ECT2L: variants seen among roughly 807,000 people sequenced by gnomAD.
ECT2L encodes epithelial cell transforming 2 like.
In ECT2L, 126 loss-of-function variants were observed where a neutral mutation model predicts 122.8. The observed-to-expected ratio is 1.03, with a 90% confidence interval of 0.89 to 1.19. ECT2L has a LOEUF of 1.19. Ranked by LOEUF, ECT2L falls within the 50% of genes most tolerant of loss-of-function variation. ECT2L has a pLI of 0.00. For synonymous variants in ECT2L, 385 were observed against 381.8 expected, an observed-to-expected ratio of 1.01 and a Z score of -0.10; for missense variants, 1,012 against 1,064.1, an observed-to-expected ratio of 0.95 and a Z score of 0.68.
chr6:138,889,020 T>C lies in ECT2L; in HGVS notation c.2403T>C (p.Ser801=), dbSNP rs1247419395. 3 of 1,545,546 alleles carry C rather than the reference T, an allele frequency of 1.9e-6. No homozygotes were observed. In the Admixed American group the frequency reaches 5.5e-5, roughly 28 times the overall value. The change falls in exon 20 of 22, where the codon AGT becomes AGC. Residue 801 remains serine, a synonymous_variant. Transcript: ENST00000541398. ...AQLHCCDEEI[S]FSLRLYEHIH... is the part of the protein sequence containing the mutation. ...TTCATTGCTGTGATGAAGAAATAAG[T>C]TTCTCTTTAAGGTAAACAATAGTTA...
At chr6:138,842,364 G>C (rs976297444) in intron 5 of ECT2L, among the ~76,000 whole-genome samples, 1 of 152,304 alleles carries the variant, frequency 6.6e-6, no homozygotes, top group Non-Finnish European at 1.5e-5. Context: ...AGGAGGCTGA[G>C]GCAAGAGAAT....
chr6:138,802,457 A>C (rs1417417626), intron 1 of ECT2L, among the ~76,000 whole-genome samples: 2 of 152,262 alleles, frequency 1.3e-5, no homozygotes, highest in Non-Finnish European at 2.9e-5. Flanking sequence ...ATCAATACAC[A>C]CTGTGATAGT....
chr6:138,807,588 A>G (rs570106970), intron 1 of ECT2L, among the ~76,000 whole-genome samples: 5 of 152,322 alleles, frequency 3.3e-5, no homozygotes, highest in East Asian at 3.9e-4. Flanking sequence ...CCAGTATCAT[A>G]GGTTTTCAGT....
chr6:138,863,503 T>A (rs4896413), intron 11 of ECT2L, among the ~76,000 whole-genome samples: 44,898 of 152,164 alleles, frequency 0.3, 7,177 homozygotes, highest in Admixed American at 0.39. Flanking sequence ...TTAGTTAATA[T>A]AGCAGCGTCA....
At chr6:138,845,008 A>AT (rs1554273145) in intron 7 of ECT2L, among the ~76,000 whole-genome samples, 1 of 152,008 alleles carries the variant, frequency 6.6e-6, no homozygotes, top group Non-Finnish European at 1.5e-5. Flanking sequence ...CAAAAATAAC[A>AT]TTTTTCCACA....
intron 15 of ECT2L, among the ~76,000 whole-genome samples, chr6:138,882,030 C>G (rs752858599): frequency 5.9e-5 from 9 of 152,126 alleles, no homozygotes; most frequent in Non-Finnish European, 1.0e-4. Context: ...TGGGAAAAAA[C>G]CAGAAGGATT....
intron 13 of ECT2L, among the ~76,000 whole-genome samples, 165 bp from the exon 14 acceptor site, chr6:138,876,307 G>A (rs1260709249): frequency 6.6e-6 from 1 of 152,162 alleles, no homozygotes; most frequent in Non-Finnish European, 1.5e-5. Flanking sequence ...AAAATTGAAT[G>A]TAAGAGTGGC....
At chr6:138,893,633 G>A (rs1486732218) in intron 20 of ECT2L, among the ~76,000 whole-genome samples, 1 of 152,058 alleles carries the variant, frequency 6.6e-6, no homozygotes, top group East Asian at 1.9e-4. Flanking sequence ...TGTTGGCCAG[G>A]CTGGTCTCGA....
intron 4 of ECT2L, among the ~76,000 whole-genome samples, chr6:138,833,494 T>C (rs1458132241): frequency 6.6e-6 from 1 of 152,204 alleles, no homozygotes; most frequent in Non-Finnish European, 1.5e-5. Flanking sequence ...TTCCTTTTCA[T>C]GCAACTCAGG....
chr6:138,901,230 C>A, intron 21 of ECT2L, 110 bp downstream of exon 21: 1 of 1,111,270 alleles, frequency 9.0e-7, no homozygotes, highest in Non-Finnish European at 1.3e-6. Flanking sequence ...TACCAGGTTG[C>A]AAACAATTCC....
intron 15 of ECT2L, 40 bp from the exon 16 acceptor site, chr6:138,882,684 C>T (rs1172851345): frequency 3.7e-6 from 6 of 1,606,738 alleles, no homozygotes; most frequent in African/African-American, 1.3e-5. Flanking sequence ...TAAGTTATCA[C>T]AAGTGAATAT....
At chr6:138,804,541 T>C (rs115502076) in intron 1 of ECT2L, among the ~76,000 whole-genome samples, 1,812 of 152,100 alleles carry the variant, frequency 0.012, 41 homozygotes, top group African/African-American at 0.041. Flanking sequence ...TTTGGCACTT[T>C]AAAGTTCCAT....
Position 138,885,816 on chromosome 6 carries a change from G to T in ECT2L, c.2245G>T (p.Gly749Cys). The T allele has an allele frequency of 6.2e-7, 1 of 1,613,824 alleles. No homozygotes were observed. Residue 749 changes from glycine (G) to cysteine (C), a missense_variant, in exon 18 of 22, where the codon GGT becomes TGT. Gly to Cys is a radical substitution (Grantham distance 159). Transcript: ENST00000541398. ...TAIDQIKKYK[G>C]YIDQMKQNIT... is the part of the protein sequence containing the mutation. ...AATTGACCAAATCAAAAAATATAAA[G>T]GTTATATAGATCAGGTTGGTTGCTG...
chr6:138,894,872 T>C lies in ECT2L; in HGVS notation c.2414+5841T>C, dbSNP rs550756193. ...CCAAATAAACTCTACTTATATTGAT[T>C]TTGCCTCAGCTTCTTCCTTTTAGGT... On this transcript the variant is annotated intron_variant, in intron 20 of 21. Transcript: ENST00000541398. Among the ~76,000 whole-genome samples, 92 of 152,326 alleles carry C rather than the reference T, an allele frequency of 6.0e-4. 1 individual carries two copies. The highest frequency in any genetic ancestry group is 1.7e-3 in the African/African-American group (72 of 41,566).
rs1777982467 is a variant in ECT2L, at chr6:138,865,111, A to C, written c.1407A>C (p.Lys469Asn). ...CAGACTTCCTAGAAGAAACCTTGAA[A>C]ACAGTAAGGAAGCAGCTGTATCCTT... Reference protein sequence around the residue: ...SFTDFLEETLKTVRKQLYPFF... With the variant: ...SFTDFLEETLNTVRKQLYPFF... The change falls in exon 12 of 22, where the codon AAA becomes AAC. Residue 469 changes from lysine (K) to asparagine (N), a missense_variant. By Grantham distance (94) the Lys-to-Asn change is moderately conservative. Transcript: ENST00000541398. 1.1e-5 allele frequency: 17 copies of C among 1,614,104 alleles called. No homozygotes were observed. The highest frequency in any genetic ancestry group is 1.4e-5 in the Non-Finnish European group (17 of 1,179,982).
chr6:138,843,075 G>A lies in ECT2L; in HGVS notation c.439G>A (p.Ala147Thr), dbSNP rs1181576028. Residue 147 changes from alanine (A) to threonine (T), a missense_variant, in exon 6 of 22, where the codon GCT becomes ACT. Physicochemically the swap from Ala to Thr is moderately conservative, Grantham distance 58. Coordinates refer to ENST00000541398, the MANE Select transcript of ECT2L (RefSeq NM_001077706.3). ...EYGAWKRHYI[A>T]CVSHLDWLTP... is the part of the protein sequence containing the mutation. ...TGGTGCTTGGAAGCGCCATTACATT[G>A]CTTGTGTGTCCCACTTAGACTGGCT... 16 of 1,613,770 alleles carry A rather than the reference G, an allele frequency of 9.9e-6. No homozygotes were observed. The highest frequency in any genetic ancestry group is 1.4e-5 in the Non-Finnish European group (16 of 1,179,868).
intron 5 of ECT2L, among the ~76,000 whole-genome samples, 173 bp from the exon 6 acceptor site, chr6:138,842,806 A>G (rs1777088756): frequency 6.6e-6 from 1 of 152,126 alleles, no homozygotes; most frequent in Admixed American, 6.5e-5. Flanking sequence ...AAAAATTAAA[A>G]CTTTCAATTT....
Position 138,843,250 on chromosome 6 carries a change from C to A in ECT2L, c.595+19C>A, listed in dbSNP as rs200280165. On this transcript the variant is annotated intron_variant, in intron 6 of 21. Transcript: ENST00000541398. ...CGTAAGAGTAAGTAGCATTTTAAACCTTTATATCTTAGGTAAATATTGTAG... is the reference window on the plus strand; with the variant it reads ...CGTAAGAGTAAGTAGCATTTTAAACATTTATATCTTAGGTAAATATTGTAG... 3.2e-6 allele frequency: 5 copies of A among 1,549,052 alleles called. No homozygotes were observed. Among genetic ancestry groups the A allele is most frequent in the African/African-American group, 1.4e-5 (1 of 73,054 alleles).
intron 13 of ECT2L, among the ~76,000 whole-genome samples, chr6:138,875,119 T>C (rs7767135): frequency 0.12 from 18,984 of 152,108 alleles, 2,550 homozygotes; most frequent in African/African-American, 0.34. Context: ...ATCTCCTCCC[T>C]GGCTCCAAGC....
Sources: allele counts gnomAD v4.1 joint callset (sites outside exome capture counted in the v4.1 genomes callset), GRCh38; gene constraint gnomAD v4.1.1; transcripts MANE v1.5; gene names NCBI Gene and HGNC (gene_info 2026-07-23, HGNC 2026-07-21).